The following PTPRN2 variants were observed in gnomAD, a reference collection of about 807,000 sequenced individuals.
The protein encoded by PTPRN2 is receptor-type tyrosine-protein phosphatase N2.
A neutral mutation model predicts 118.8 loss-of-function variants in PTPRN2; 74 were observed. That is an observed-to-expected ratio of 0.62 (90% CI 0.52 to 0.76). The LOEUF (loss-of-function observed/expected upper bound fraction) is 0.76. Among genes scored for constraint, PTPRN2 ranks in the 30% least tolerant of loss-of-function variants. The probability of loss-of-function intolerance (pLI) is 0.00; values close to 1 mark genes in which losing one functional copy is unlikely to be tolerated. For missense variants in PTPRN2, 1,481 were observed against 1,394.4 expected (o/e 1.06, Z -0.99); for synonymous variants, 641 against 608.0 (o/e 1.05, Z -0.80).
chr7:158,040,705 C>T (rs1808395718), intron 11 of PTPRN2, among the ~76,000 whole-genome samples: 2 of 150,992 alleles, frequency 1.3e-5, no homozygotes, highest in Admixed American at 1.3e-4. Flanking sequence ...AGGAATTTGT[C>T]AGCAGTTGAT....
chr7:157,651,186 T>A (rs1805632464), intron 14 of PTPRN2, among the ~76,000 whole-genome samples: 1 of 152,242 alleles, frequency 6.6e-6, no homozygotes, highest in South Asian at 2.1e-4. Flanking sequence ...TCCTGTTTTC[T>A]GTGATCATGG....
intron 1 of PTPRN2, among the ~76,000 whole-genome samples, chr7:158,549,267 G>A: frequency 6.6e-6 from 1 of 152,162 alleles, no homozygotes; most frequent in East Asian, 1.9e-4. Flanking sequence ...AGACGGTGGT[G>A]GCTTCTCCCC....
chr7:158,470,644 G>A (rs1733138), intron 2 of PTPRN2, among the ~76,000 whole-genome samples: 1 of 151,650 alleles, frequency 6.6e-6, no homozygotes, highest in East Asian at 1.9e-4. Context: ...TACCCTTTCC[G>A]CCTTCTCTCT....
At chr7:157,684,826 G>C (rs1241529295) in intron 12 of PTPRN2, among the ~76,000 whole-genome samples, 1 of 151,896 alleles carries the variant, frequency 6.6e-6, no homozygotes, top group East Asian at 1.9e-4. Context: ...GGTTCTCCCG[G>C]GTGGGCGGCA....
chr7:158,311,596 T>G (rs1191226365), intron 3 of PTPRN2, among the ~76,000 whole-genome samples: 1 of 152,250 alleles, frequency 6.6e-6, no homozygotes, highest in Non-Finnish European at 1.5e-5. Flanking sequence ...GGAAGAAGGT[T>G]GTGAAATTAA....
chr7:158,088,267 TC>T (rs1466515952), intron 10 of PTPRN2, among the ~76,000 whole-genome samples: 1 of 34,962 alleles, frequency 2.9e-5, no homozygotes, highest in African/African-American at 5.0e-5. Context: ...CAAACCTTCT[TC>T]CCCTGATGAA....
At chr7:158,136,596 C>T in intron 8 of PTPRN2, 59 bp downstream of exon 8, 1 of 1,557,302 alleles carries the variant, frequency 6.4e-7, no homozygotes, top group African/African-American at 1.4e-5. Flanking sequence ...ACACCATGAA[C>T]AAAAAGATCA....
chr7:157,949,656 G>A (rs1054416443), intron 11 of PTPRN2, among the ~76,000 whole-genome samples: 1 of 152,206 alleles, frequency 6.6e-6, no homozygotes, highest in Non-Finnish European at 1.5e-5. Flanking sequence ...GACTAATACA[G>A]GCCCATATTC....
intron 11 of PTPRN2, among the ~76,000 whole-genome samples, chr7:157,962,090 T>G (rs1489538092): frequency 6.6e-6 from 1 of 152,246 alleles, no homozygotes; most frequent in Non-Finnish European, 1.5e-5. Flanking sequence ...ACACAGGATG[T>G]GAAAGTATTT....
At chr7:158,066,891 A>G (rs75598178) in intron 11 of PTPRN2, among the ~76,000 whole-genome samples, 4,295 of 152,242 alleles carry the variant, frequency 0.028, 88 homozygotes, top group East Asian at 0.075. Context: ...GTGGGGCCCT[A>G]GGCCTGTCAA....
Position 158,281,972 on chromosome 7 carries a change from C to T in PTPRN2, c.277+34847G>A, listed in dbSNP as rs144735884. On this transcript the variant is annotated intron_variant, in intron 3 of 22. Transcript: ENST00000389418. ...GGCTCCCAGCTCAAAGCCCAGCCATCGTCTCCCAGACATTTTGGGTCGCAT... is the reference window on the plus strand; with the variant it reads ...GGCTCCCAGCTCAAAGCCCAGCCATTGTCTCCCAGACATTTTGGGTCGCAT... Among the ~76,000 whole-genome samples, 41 of 152,318 alleles carry T rather than the reference C, an allele frequency of 2.7e-4. No homozygotes were observed. The East Asian group carries it at 7.1e-3, about 26-fold the overall frequency.
intron 10 of PTPRN2, among the ~76,000 whole-genome samples, chr7:158,097,621 G>A (rs1042172148): frequency 1.3e-5 from 2 of 152,166 alleles, no homozygotes; most frequent in African/African-American, 2.4e-5. Context: ...TTTCCCAGGA[G>A]CACTGCCCAC....
At chr7:158,337,546 T>C (rs201508888) in intron 2 of PTPRN2, among the ~76,000 whole-genome samples, 1,699 of 23,382 alleles carry the variant, frequency 0.073, no homozygotes, top group Middle Eastern at 0.087. Flanking sequence ...GCAGACGTCA[T>C]TCACACCCAC....
At chr7:157,773,751 G>A (rs999408) in intron 12 of PTPRN2, among the ~76,000 whole-genome samples, 13,276 of 152,178 alleles carry the variant, frequency 0.087, 1,063 homozygotes, top group East Asian at 0.22. Context: ...CCGAACCTCA[G>A]CCCCCAGGTC....
chr7:157,765,047 C>A (rs1425832943), intron 12 of PTPRN2, among the ~76,000 whole-genome samples: 2 of 151,414 alleles, frequency 1.3e-5, no homozygotes, highest in Admixed American at 6.6e-5. Flanking sequence ...ACTCATCCAT[C>A]CCTCCATCCT....
chr7:158,261,168 G>A (rs1055592486), intron 3 of PTPRN2, among the ~76,000 whole-genome samples: 2 of 152,136 alleles, frequency 1.3e-5, no homozygotes, highest in African/African-American at 4.8e-5. Context: ...AGGACATGGT[G>A]GAAGGTGGAA....
chr7:158,294,979 C>A (rs1404676767), intron 3 of PTPRN2, among the ~76,000 whole-genome samples: 1 of 145,946 alleles, frequency 6.9e-6, no homozygotes, highest in Non-Finnish European at 1.5e-5. Flanking sequence ...GCCCGCTGAC[C>A]CTGCCTGTCT....
chr7:157,601,827 G>C (rs1023547451), intron 16 of PTPRN2, among the ~76,000 whole-genome samples: 5 of 152,202 alleles, frequency 3.3e-5, no homozygotes, highest in African/African-American at 1.2e-4. Flanking sequence ...CCTCATTCTG[G>C]CTTCATCAAA....
At chr7:158,150,431 G>A (rs1585640065) in intron 6 of PTPRN2, among the ~76,000 whole-genome samples, 1 of 152,190 alleles carries the variant, frequency 6.6e-6, no homozygotes, top group Admixed American at 6.5e-5. Flanking sequence ...AAAAGTGGCA[G>A]CTCTGCCGCC....
Sources: gnomAD v4.1 joint callset for allele counts (sites outside exome capture counted in the v4.1 genomes callset) on GRCh38, gnomAD v4.1.1 for gene constraint, MANE v1.5 for transcripts, NCBI Gene and HGNC (gene_info 2026-07-23, HGNC 2026-07-21) for gene names.